Variants in SH3RF1 observed in about 807,000 individuals in gnomAD.
The protein encoded by SH3RF1 is E3 ubiquitin-protein ligase SH3RF1.
A neutral mutation model predicts 74.0 loss-of-function variants in SH3RF1; 32 were observed. The ratio of observed to expected loss-of-function variants is 0.43; its 90% confidence interval spans 0.33 to 0.58. The LOEUF is 0.58. Ranked by LOEUF, SH3RF1 falls within the 20% of genes least tolerant of loss-of-function variation. The pLI is 0.05. For missense variants in SH3RF1, 954 were observed against 1,130.9 expected (o/e 0.84, Z 2.24); for synonymous variants, 396 against 439.6 (o/e 0.90, Z 1.24).
At chr4:169,236,091 G>A (rs945419464) in intron 2 of SH3RF1, among the ~76,000 whole-genome samples, 3 of 152,196 alleles carry the variant, frequency 2.0e-5, no homozygotes, top group African/African-American at 7.2e-5. Flanking sequence ...TCTAGCCACT[G>A]GCACAGCATC....
rs144949994 is a variant in SH3RF1, at chr4:169,125,029, C to G, written c.1180-2763G>C. 3.3e-4 allele frequency among the ~76,000 whole-genome samples: 51 copies of G among 152,270 alleles called. No homozygotes were observed. The East Asian group carries it at 8.3e-3, about 25-fold the overall frequency. ...CAGCTATGGACCTTCTAGAAAATGA[C>G]ACAAAATTCACATTTTGTTAACAAT... On this transcript the variant is annotated intron_variant, in intron 6 of 11. Coordinates refer to ENST00000284637, the MANE Select transcript of SH3RF1 (RefSeq NM_020870.4).
At chr4:169,146,232 CTT>C (rs70961576) in intron 4 of SH3RF1, among the ~76,000 whole-genome samples, 7 of 132,602 alleles carry the variant, frequency 5.3e-5, no homozygotes, top group Non-Finnish European at 1.1e-4. Context: ...TATATATATA[CTT>C]TTTTTTTTTT....
chr4:169,229,070 T>C (rs770553345), intron 2 of SH3RF1, among the ~76,000 whole-genome samples: 9 of 152,184 alleles, frequency 5.9e-5, no homozygotes, highest in African/African-American at 1.4e-4. Flanking sequence ...AGAGCTCTTT[T>C]AGTTTACAGG....
chr4:169,165,675 T>G (rs1234312665), intron 2 of SH3RF1, among the ~76,000 whole-genome samples: 1 of 152,058 alleles, frequency 6.6e-6, no homozygotes, highest in East Asian at 1.9e-4. Flanking sequence ...TGAAATTCAA[T>G]TGCCTATTTT....
intron 2 of SH3RF1, among the ~76,000 whole-genome samples, chr4:169,254,984 T>C (rs1731162795): frequency 1.3e-5 from 2 of 152,166 alleles, no homozygotes; most frequent in African/African-American, 4.8e-5. Flanking sequence ...GAGCACCTCT[T>C]TTCCATTAAG....
chr4:169,187,755 A>T (rs1288191980), intron 2 of SH3RF1, among the ~76,000 whole-genome samples: 7 of 152,226 alleles, frequency 4.6e-5, no homozygotes, highest in Admixed American at 4.6e-4. Context: ...GCTTTGGAAC[A>T]AACAGGGAGG....
Position 169,211,724 on chromosome 4 carries a change from T to C in SH3RF1, c.394-55045A>G, listed in dbSNP as rs1280940432. 3.3e-5 allele frequency among the ~76,000 whole-genome samples: 5 copies of C among 152,184 alleles called. No individual in the cohort carries two copies. The East Asian group carries it at 5.8e-4, about 18-fold the overall frequency. On this transcript the variant is annotated intron_variant, in intron 2 of 11. Coordinates refer to ENST00000284637, the MANE Select transcript of SH3RF1 (RefSeq NM_020870.4). ...AAGCCTAGATACAGATGTGTGAATG[T>C]ATGTGTGTGGTTTATGGATGAAAAT...
intron 2 of SH3RF1, among the ~76,000 whole-genome samples, chr4:169,202,387 A>G (rs1579134660): frequency 6.8e-6 from 1 of 146,970 alleles, no homozygotes; most frequent in East Asian, 2.1e-4. Flanking sequence ...AGGCAAATAG[A>G]GTACAAATTT....
rs79343082 is a variant in SH3RF1 at position 169,182,140 on chromosome 4, A to G, written c.394-25461T>C. On this transcript the variant is annotated intron_variant, in intron 2 of 11. Transcript: ENST00000284637. ...TTTGAAATGGGGACTATTCCAGAAAATCCAAATATGCAGTTGCCATACTTA... is the reference window on the plus strand; with the variant it reads ...TTTGAAATGGGGACTATTCCAGAAAGTCCAAATATGCAGTTGCCATACTTA... Among the ~76,000 whole-genome samples, 404 of 152,340 alleles carry G rather than the reference A, an allele frequency of 2.7e-3. 11 individuals carry two copies. The East Asian group carries it at 0.06, about 23-fold the overall frequency.
At chr4:169,165,646 G>T (rs541643768) in intron 2 of SH3RF1, among the ~76,000 whole-genome samples, 3 of 151,576 alleles carry the variant, frequency 2.0e-5, no homozygotes, top group Non-Finnish European at 4.4e-5. Flanking sequence ...GCGGGGGGGG[G>T]AGTCAGGTAA....
At chr4:169,101,815 GCCT>G (rs551853642) in intron 11 of SH3RF1, among the ~76,000 whole-genome samples, 36 of 152,076 alleles carry the variant, frequency 2.4e-4, no homozygotes, top group Non-Finnish European at 4.3e-4. Context: ...TCCCTGAATG[GCCT>G]CTGCCTCTTG....
chr4:169,259,333 C>T lies in SH3RF1; in HGVS notation c.393+9487G>A, dbSNP rs140088542. Among the ~76,000 whole-genome samples, 22 of 152,226 alleles carry T rather than the reference C, an allele frequency of 1.4e-4. No homozygotes were observed. In the East Asian group the frequency reaches 3.7e-3, roughly 25 times the overall value. ...TGCTCACTTTTTTCATGTTTCACAACGCAAATAATCTACTATTTAACTGCT... is the reference window on the plus strand; with the variant it reads ...TGCTCACTTTTTTCATGTTTCACAATGCAAATAATCTACTATTTAACTGCT... On this transcript the variant is annotated intron_variant, in intron 2 of 11. Transcript: ENST00000284637.
intron 2 of SH3RF1, among the ~76,000 whole-genome samples, chr4:169,224,433 T>C (rs1278055344): frequency 6.6e-6 from 1 of 152,164 alleles, no homozygotes; most frequent in Non-Finnish European, 1.5e-5. Flanking sequence ...TTCTCCTGCC[T>C]TAGCCTCCCA....
chr4:169,158,247 C>T (rs1734092558), intron 2 of SH3RF1, among the ~76,000 whole-genome samples: 1 of 152,098 alleles, frequency 6.6e-6, no homozygotes, highest in African/African-American at 2.4e-5. Context: ...GAGGAAGTGA[C>T]ACATGAGCCA....
At chr4:169,117,226 T>C (rs1290086976) in intron 9 of SH3RF1, among the ~76,000 whole-genome samples, 2 of 152,082 alleles carry the variant, frequency 1.3e-5, no homozygotes, top group South Asian at 2.1e-4. Flanking sequence ...TGGATGGTAG[T>C]AGTGAGATTT....
At chr4:169,108,973 A>T (rs1017421647) in intron 10 of SH3RF1, among the ~76,000 whole-genome samples, 1 of 152,242 alleles carries the variant, frequency 6.6e-6, no homozygotes, top group Non-Finnish European at 1.5e-5. Context: ...CAGAGGCAAT[A>T]AAGCCTTTCA....
At chr4:169,247,604 A>G (rs974623363) in intron 2 of SH3RF1, among the ~76,000 whole-genome samples, 2 of 152,204 alleles carry the variant, frequency 1.3e-5, no homozygotes, top group Non-Finnish European at 2.9e-5. Flanking sequence ...GGGGGATAGG[A>G]GTACAACTAT....
chr4:169,125,757 T>C lies in SH3RF1; in HGVS notation c.1180-3491A>G, dbSNP rs183041875. Among the ~76,000 whole-genome samples the C allele has an allele frequency of 3.7e-4, 56 of 152,304 alleles. No homozygotes were observed. In the East Asian group the frequency reaches 9.5e-3, roughly 26 times the overall value. On this transcript the variant is annotated intron_variant, in intron 6 of 11. Transcript: ENST00000284637. ...ATGTCTGATTTCCATTCAGCCCACT[T>C]TCAACCCTACATATCAACATGTCTG...
At chr4:169,176,914 C>T (rs1734430268) in intron 2 of SH3RF1, among the ~76,000 whole-genome samples, 1 of 150,882 alleles carries the variant, frequency 6.6e-6, no homozygotes, top group Non-Finnish European at 1.5e-5. Context: ...TGTTACCGTG[C>T]CTGGTTAATT....
Sources: allele counts gnomAD v4.1 joint callset (sites outside exome capture counted in the v4.1 genomes callset), GRCh38; gene constraint gnomAD v4.1.1; transcripts MANE v1.5; gene names NCBI Gene and HGNC (gene_info 2026-07-23, HGNC 2026-07-21).